XAGE5: variants seen among roughly 807,000 people sequenced by gnomAD.
XAGE5 encodes the protein G antigen, family D, 5.
XAGE5 carries 13 observed loss-of-function variants against 13.1 expected under a neutral mutation model. That is an observed-to-expected ratio of 0.99 (90% CI 0.64 to 1.57). XAGE5 has a LOEUF of 1.57. Among genes scored for constraint, XAGE5 ranks in the 40% most tolerant of loss-of-function variants. The pLI is 0.00. For missense variants in XAGE5, 86 were observed against 77.6 expected, an observed-to-expected ratio of 1.11 and a Z score of -0.41; for synonymous variants, 17 against 25.0, an observed-to-expected ratio of 0.68 and a Z score of 0.96.
intron 5 of XAGE5, 67 bp downstream of exon 5, chrX:52,815,284 T>C: frequency 9.1e-7 from 1 of 1,098,767 alleles, no homozygotes; most frequent in Non-Finnish European, 1.2e-6. Context: ...CTTTTGATAA[T>C]AAAAGGAGAG....
rs1215678616 is a variant in XAGE5 at position 52,816,621 on chromosome X, T to G, written c.304+1404T>G. On this transcript the variant is annotated intron_variant, in intron 5 of 5. Coordinates refer to ENST00000375501, the MANE Select transcript of XAGE5 (RefSeq NM_001386970.1). Reference sequence around the variant, plus strand: ...TCCTGAGTAGTCCACAGAAGTATCTTTTACACATGTTTTCCAAATTCCTGA... The same window carrying G: ...TCCTGAGTAGTCCACAGAAGTATCTGTTACACATGTTTTCCAAATTCCTGA... 6.2e-5 allele frequency among the ~76,000 whole-genome samples: 7 copies of G among 112,280 alleles called. No homozygotes were observed. In the East Asian group the frequency reaches 1.7e-3, roughly 27 times the overall value.
At chrX:52,817,625 G>A (rs782121148) in intron 5 of XAGE5, among the ~76,000 whole-genome samples, 47 of 111,793 alleles carry the variant, frequency 4.2e-4, no homozygotes, top group African/African-American at 1.0e-3. Flanking sequence ...ACTTCTTCAC[G>A]ATAGAGAAAA....
intron 5 of XAGE5, among the ~76,000 whole-genome samples, chrX:52,815,531 G>C (rs1159492644): frequency 8.9e-6 from 1 of 112,346 alleles, no homozygotes; most frequent in Non-Finnish European, 1.9e-5. Flanking sequence ...TAATACACTC[G>C]TAATACCTCT....
chrX:52,811,347 G>C lies in XAGE5; in HGVS notation c.-246G>C, dbSNP rs1234834145. Among the ~76,000 whole-genome samples the C allele has an allele frequency of 9.0e-6, 1 of 111,693 alleles. No individual in the cohort carries two copies. The highest frequency in any genetic ancestry group is 1.9e-5 in the Non-Finnish European group (1 of 53,060). On this transcript the variant is annotated 5_prime_UTR_variant, in exon 1 of 6. Coordinates refer to ENST00000375501, the MANE Select transcript of XAGE5 (RefSeq NM_001386970.1). Reference sequence around the variant, plus strand: ...CTGCACTTCGGGTCCCTGAGGTCTGGATTCTTTCTCCCCTACTGAGACGCA... The same window carrying C: ...CTGCACTTCGGGTCCCTGAGGTCTGCATTCTTTCTCCCCTACTGAGACGCA...
Position 52,813,122 on chromosome X carries a change from C to G in XAGE5, c.73-18C>G. 5.8e-6 allele frequency: 7 copies of G among 1,200,986 alleles called. No homozygotes were observed. Among genetic ancestry groups the G allele is most frequent in the Non-Finnish European group, 6.8e-6 (6 of 886,267 alleles). On this transcript the variant is annotated intron_variant, in intron 3 of 5. Coordinates refer to ENST00000375501, the MANE Select transcript of XAGE5 (RefSeq NM_001386970.1). Reference sequence around the variant, plus strand: ...TTATCTCCACACACACACACCACCACCCCCGCCCTTGTCCCAGGAGCCCAG... The same window carrying G: ...TTATCTCCACACACACACACCACCAGCCCCGCCCTTGTCCCAGGAGCCCAG...
intron 4 of XAGE5, among the ~76,000 whole-genome samples, chrX:52,813,728 C>T (rs1402781891): frequency 9.0e-6 from 1 of 111,133 alleles, no homozygotes. Context: ...TGAGGCCGGG[C>T]GTGGTGCCTC....
chrX:52,812,454 A>T, intron 2 of XAGE5, 105 bp from the exon 3 acceptor site: 1 of 629,099 alleles, frequency 1.6e-6, no homozygotes, highest in Non-Finnish European at 2.5e-6. Context: ...TTGTATTTTT[A>T]GTAGAGACGG....
At chrX:52,813,627 C>T (rs1443999343) in intron 4 of XAGE5, among the ~76,000 whole-genome samples, 2 of 111,716 alleles carry the variant, frequency 1.8e-5, no homozygotes, top group Non-Finnish European at 3.8e-5. Context: ...CCTTTGATAG[C>T]ATGTGGAGTG....
intron 5 of XAGE5, 110 bp downstream of exon 5, chrX:52,815,327 A>C: frequency 1.1e-6 from 1 of 924,950 alleles, no homozygotes; most frequent in African/African-American, 2.0e-5. Flanking sequence ...TAGAGTTCAA[A>C]TGCAGACTTT....
intron 5 of XAGE5, 45 bp downstream of exon 5, chrX:52,815,262 C>T: frequency 8.7e-7 from 1 of 1,149,085 alleles, no homozygotes; most frequent in African/African-American, 1.8e-5. Context: ...TTCTGTATTA[C>T]ACAATATTAT....
chrX:52,815,983 G>A (rs1569184454), intron 5 of XAGE5, among the ~76,000 whole-genome samples: 5 of 111,510 alleles, frequency 4.5e-5, no homozygotes, highest in African/African-American at 1.6e-4. Flanking sequence ...ACGAGGTCTC[G>A]CTCTGCCGCC....
At chrX:52,812,491 C>A (rs2146526933) in intron 2 of XAGE5, 68 bp from the exon 3 acceptor site, 1 of 1,030,504 alleles carries the variant, frequency 9.7e-7, no homozygotes, top group Non-Finnish European at 1.3e-6. Flanking sequence ...CCAAGCTGGC[C>A]TCGAGCTTCT....
intron 5 of XAGE5, among the ~76,000 whole-genome samples, chrX:52,817,220 C>T (rs1433938454): frequency 8.9e-6 from 1 of 111,849 alleles, no homozygotes; most frequent in Admixed American, 9.5e-5. Flanking sequence ...TAATATGTCC[C>T]TGCAATACCT....
chrX:52,815,806 A>T (rs1359608417), intron 5 of XAGE5, among the ~76,000 whole-genome samples: 1 of 112,193 alleles, frequency 8.9e-6, no homozygotes, highest in Non-Finnish European at 1.9e-5. Flanking sequence ...CTGAGTTGAG[A>T]TTTCATTGCT....
chrX:52,812,590 T>C lies in XAGE5; in HGVS notation c.24T>C (p.Tyr8=). The C allele has an allele frequency of 5.0e-6, 6 of 1,211,777 alleles. No individual in the cohort carries two copies. Among genetic ancestry groups the C allele is most frequent in the South Asian group, 3.5e-5 (2 of 56,972 alleles). Residue 8 remains tyrosine (Y), a synonymous_variant, in exon 3 of 6, where the codon TAT becomes TAC. Coordinates refer to ENST00000375501, the MANE Select transcript of XAGE5 (RefSeq NM_001386970.1). ...ATATGAGTTGGCGAGGAAGAAGATA[T>C]AGACCAAGACGATGTTTACGACTTG... The part of the protein sequence containing the change: MSWRGRR[Y]RPRRCLRLAQ...
rs1376205674 is a variant in XAGE5, at chrX:52,812,601, G to A, written c.35G>A (p.Arg12Gln). ...CGAGGAAGAAGATATAGACCAAGAC[G>A]ATGTTTACGACTTGCTCAGCTGGTT... ...SWRGRRYRPR[R>Q]CLRLAQLVGP... is the part of the protein sequence containing the mutation. The change falls in exon 3 of 6, where the codon CGA becomes CAA. Residue 12 changes from arginine to glutamine, a missense_variant. Physicochemically the swap from Arg to Gln is conservative, Grantham distance 43 (BLOSUM62 1). Transcript: ENST00000375501. 3.3e-6 allele frequency: 4 copies of A among 1,209,968 alleles called. No homozygotes were observed. The highest frequency in any genetic ancestry group is 1.7e-5 in the African/African-American group (1 of 57,241).
intron 4 of XAGE5, chrX:52,814,288 T>C (rs186575331): frequency 3.4e-4 from 112 of 325,121 alleles, no homozygotes; most frequent in African/African-American, 2.7e-3. Context: ...TCCTTTGATG[T>C]ACATTTTTGA....
chrX:52,817,354 T>A (rs1926924695), intron 5 of XAGE5, among the ~76,000 whole-genome samples: 1 of 112,211 alleles, frequency 8.9e-6, no homozygotes, highest in African/African-American at 3.2e-5. Flanking sequence ...CGTTTTCATT[T>A]CCCTCTCCAT....
chrX:52,812,665 T>C (rs1264453057), intron 3 of XAGE5, 27 bp downstream of exon 3: 1 of 1,195,759 alleles, frequency 8.4e-7, no homozygotes, highest in Non-Finnish European at 1.1e-6. Flanking sequence ...TCGATTTTTT[T>C]CTACTAGCAG....
Sources: gnomAD v4.1 joint callset for allele counts (sites outside exome capture counted in the v4.1 genomes callset) on GRCh38, gnomAD v4.1.1 for gene constraint, MANE v1.5 for transcripts, NCBI Gene and HGNC (gene_info 2026-07-23, HGNC 2026-07-21) for gene names.